TBC1D13: variants seen among roughly 807,000 people sequenced by gnomAD.
TBC1D13 encodes the protein TBC1 domain family member 13.
In TBC1D13, 40 loss-of-function variants were observed where a neutral mutation model predicts 53.6. That is an observed-to-expected ratio of 0.75 (90% CI 0.58 to 0.97). The LOEUF is 0.97. TBC1D13 is among the 50% of genes least tolerant of loss of function. The pLI, the probability that TBC1D13 is intolerant of heterozygous loss-of-function variation, is 0.00. For missense variants in TBC1D13, 377 were observed against 499.4 expected, an observed-to-expected ratio of 0.75 and a Z score of 2.34; for synonymous variants, 182 against 197.7, an observed-to-expected ratio of 0.92 and a Z score of 0.67.
At position 128,808,686 on chromosome 9, in the gene TBC1D13, T is replaced by C. The variant is rs796438479; in HGVS notation, c.*807T>C. The C allele has an allele frequency of 9.2e-5, 14 of 152,400 alleles. No individual in the cohort carries two copies. The highest frequency in any genetic ancestry group is 3.4e-4 in the African/African-American group (14 of 41,560). The allele number at this position is 152,400 out of a possible 1,614,324, so 9.4% of individuals were successfully genotyped here. A position where few individuals can be genotyped will look rare whatever the true frequency, so the allele number is the denominator to read the frequency against. Reference sequence around the variant, plus strand: ...GAACCTGGGAGACAGATGAGGAGACTGGCTCAGCAAGGCCCCTGGAGGTCA... The same window carrying C: ...GAACCTGGGAGACAGATGAGGAGACCGGCTCAGCAAGGCCCCTGGAGGTCA... On this transcript the variant is annotated 3_prime_UTR_variant, in exon 12 of 12. Transcript: ENST00000372648.
intron 11 of TBC1D13, among the ~76,000 whole-genome samples, chr9:128,807,595 G>A (rs1829860729): frequency 1.3e-5 from 2 of 152,204 alleles, no homozygotes; most frequent in South Asian, 4.1e-4. Context: ...GCAAGAGCCT[G>A]GGAGTGGTTG....
rs560076192 is a variant in TBC1D13, at chr9:128,808,071, C to T, written c.*192C>T. ...CGCCACGCCCAGCTCCCCACCTGCCCTGCACTCTGCCCTCTTTGCCCAGGA... is the reference window on the plus strand; with the variant it reads ...CGCCACGCCCAGCTCCCCACCTGCCTTGCACTCTGCCCTCTTTGCCCAGGA... On this transcript the variant is annotated 3_prime_UTR_variant, in exon 12 of 12. Transcript: ENST00000372648. 1 of 605,990 alleles carries T rather than the reference C, an allele frequency of 1.7e-6. No individual in the cohort carries two copies. The highest frequency in any genetic ancestry group is 1.9e-5 in the South Asian group (1 of 53,524). 37.5% of individuals were successfully genotyped at this position (605,990 alleles called of 1,614,324 possible). A position where few individuals can be genotyped will look rare whatever the true frequency, so the allele number is the denominator to read the frequency against.
intron 7 of TBC1D13, 46 bp downstream of exon 7, chr9:128,797,260 T>C (rs377484445): frequency 1.7e-4 from 266 of 1,599,444 alleles, no homozygotes; most frequent in Non-Finnish European, 2.1e-4. Context: ...AACAGTATTT[T>C]CTTTCCTTTT....
At chr9:128,787,526 T>C in intron 1 of TBC1D13, 150 bp downstream of exon 1, 2 of 824,216 alleles carry the variant, frequency 2.4e-6, no homozygotes, top group African/African-American at 1.8e-5. Flanking sequence ...CCTCATTGCC[T>C]GTGGGCTGCA....
At chr9:128,790,805 C>T (rs1589565717) in intron 3 of TBC1D13, 30 bp downstream of exon 3, 1 of 1,558,662 alleles carries the variant, frequency 6.4e-7, no homozygotes, top group Non-Finnish European at 8.6e-7. Flanking sequence ...GGCTTCTGCT[C>T]TGCTGAGAGT....
intron 2 of TBC1D13, among the ~76,000 whole-genome samples, chr9:128,790,278 T>TAAA (rs1564422376): frequency 2.9e-5 from 1 of 34,790 alleles, no homozygotes; most frequent in Non-Finnish European, 7.8e-5. Flanking sequence ...AAAAAAAAAT[T>TAAA]AGCATCCAGT....
chr9:128,805,078 G>A (rs1334732181), intron 9 of TBC1D13, among the ~76,000 whole-genome samples: 1 of 152,104 alleles, frequency 6.6e-6, no homozygotes, highest in African/African-American at 2.4e-5. Flanking sequence ...GAGTGTGATG[G>A]CTCACAGTTG....
intron 7 of TBC1D13, among the ~76,000 whole-genome samples, chr9:128,798,777 A>G (rs540524840): frequency 2.2e-4 from 33 of 152,312 alleles, no homozygotes; most frequent in African/African-American, 7.2e-4. Flanking sequence ...GTCTTCCATC[A>G]ATGGAAAAAC....
At chr9:128,803,826 A>T (rs1829779333) in intron 8 of TBC1D13, 130 bp from the exon 9 acceptor site, 2 of 1,215,196 alleles carry the variant, frequency 1.6e-6, no homozygotes, top group African/African-American at 3.0e-5. Context: ...TCAAGGACAG[A>T]GGAAGGACTG....
In TBC1D13 at chr9:128,792,527, G is replaced by T. The variant is rs7046372; in HGVS notation, c.336G>T (p.Thr112=). 2 of 1,614,134 alleles carry T rather than the reference G, an allele frequency of 1.2e-6. No individual in the cohort carries two copies. Among genetic ancestry groups the T allele is most frequent in the Non-Finnish European group, 8.5e-7 (1 of 1,179,998 alleles). The change falls in exon 6 of 12, where the codon ACG becomes ACT. Residue 112 remains threonine (T), a synonymous_variant. Transcript: ENST00000372648. ...LNPNPDSRWN[T]YFKDNEVLLQ... is the part of the protein sequence containing the mutation. ...CCAACCCTGACAGCCGGTGGAACAC[G>T]TACTTCAAGGACAACGAGGTGCTGC...
At chr9:128,800,292 G>A (rs1279974697) in intron 7 of TBC1D13, among the ~76,000 whole-genome samples, 1 of 152,036 alleles carries the variant, frequency 6.6e-6, no homozygotes, top group African/African-American at 2.4e-5. Context: ...ATCCTGGCAG[G>A]CAGCTGGTGT....
rs1491402886 is a variant in TBC1D13 at position 128,808,406 on chromosome 9, TCC to T, written c.*528_*529del. 7 of 197,886 alleles carry T rather than the reference TCC, an allele frequency of 3.5e-5. No individual in the cohort carries two copies. Among genetic ancestry groups the T allele is most frequent in the African/African-American group, 1.4e-4 (6 of 42,240 alleles). 12.3% of individuals were successfully genotyped at this position (197,886 alleles called of 1,614,324 possible). A position where few individuals can be genotyped will look rare whatever the true frequency, so the allele number is the denominator to read the frequency against. On this transcript the variant is annotated 3_prime_UTR_variant, in exon 12 of 12. Transcript: ENST00000372648. ...TGGGCCCAAGTCCCCAGGCATCTTCTCCGTGTGTGTGTGTGTGTGTGTGTGTG... is the reference window on the plus strand; with the variant it reads ...TGGGCCCAAGTCCCCAGGCATCTTCTGTGTGTGTGTGTGTGTGTGTGTGTG...
At chr9:128,799,305 T>C (rs1411149663) in intron 7 of TBC1D13, among the ~76,000 whole-genome samples, 1 of 152,216 alleles carries the variant, frequency 6.6e-6, no homozygotes, top group Non-Finnish European at 1.5e-5. Flanking sequence ...ACCAGAAACT[T>C]CATCCCTAAG....
At chr9:128,800,620 A>G (rs1268718792) in intron 7 of TBC1D13, among the ~76,000 whole-genome samples, 28 of 151,990 alleles carry the variant, frequency 1.8e-4, no homozygotes, top group Non-Finnish European at 1.9e-4. Flanking sequence ...CAGTTTCCCA[A>G]AGTGCTGGGA....
chr9:128,794,466 T>G (rs4837310), intron 6 of TBC1D13, among the ~76,000 whole-genome samples: 143,710 of 152,250 alleles, frequency 0.94, 67,851 homozygotes, highest in Non-Finnish European at 0.96. Context: ...TTTCTGTTTT[T>G]TTTTTGTTTT....
In TBC1D13 at chr9:128,809,230, C is replaced by A. The variant is rs1829903361; in HGVS notation, c.*1351C>A. The A allele has an allele frequency of 6.6e-6, 1 of 152,466 alleles. No individual in the cohort carries two copies. Among genetic ancestry groups the A allele is most frequent in the South Asian group, 2.1e-4 (1 of 4,838 alleles). 9.4% of individuals were successfully genotyped at this position (152,466 alleles called of 1,614,324 possible). On this transcript the variant is annotated 3_prime_UTR_variant, in exon 12 of 12. Coordinates refer to ENST00000372648, the MANE Select transcript of TBC1D13 (RefSeq NM_018201.5). ...GGTGCAGGGCCTTCTCTGACCCCTG[C>A]CTGAGCTGTTCCCAGGGCTGGAGCA... is the stretch of plus-strand genomic sequence containing the variant.
intron 1 of TBC1D13, 137 bp downstream of exon 1, chr9:128,787,513 TA>T: frequency 1.1e-6 from 1 of 905,510 alleles, no homozygotes; most frequent in Non-Finnish European, 1.5e-6. Flanking sequence ...GTCCACCTTC[TA>T]ACCTCATTGC....
At position 128,791,230 on chromosome 9, in the gene TBC1D13, C is replaced by T. The variant is rs952081655; in HGVS notation, c.139-150C>T. 8 of 751,766 alleles carry T rather than the reference C, an allele frequency of 1.1e-5. No individual in the cohort carries two copies. The East Asian group carries it at 1.3e-4, about 12-fold the overall frequency. 46.6% of individuals were successfully genotyped at this position (751,766 alleles called of 1,614,324 possible). A position where few individuals can be genotyped will look rare whatever the true frequency, so the allele number is the denominator to read the frequency against. ...CAGTGGGGAGGAAGGGGGAGGCTAC[C>T]CCTAGCTCATGCTGGCATTCCTGGA... On this transcript the variant is annotated intron_variant, in intron 3 of 11. Coordinates refer to ENST00000372648, the MANE Select transcript of TBC1D13 (RefSeq NM_018201.5).
In TBC1D13 at chr9:128,808,812, C is replaced by G. The variant is rs996601838; in HGVS notation, c.*933C>G. 1 of 152,200 alleles carries G rather than the reference C, an allele frequency of 6.6e-6. No homozygotes were observed. The highest frequency in any genetic ancestry group is 2.4e-5 in the African/African-American group (1 of 41,430). 9.4% of individuals were successfully genotyped at this position (152,200 alleles called of 1,614,324 possible). A position where few individuals can be genotyped will look rare whatever the true frequency, so the allele number is the denominator to read the frequency against. On this transcript the variant is annotated 3_prime_UTR_variant, in exon 12 of 12. Transcript: ENST00000372648. ...TGCCTCACTTAGAGGGTTCTGAACC[C>G]GTTCCCTACACAGAAATCTTGGAAA...
Sources: gnomAD v4.1 joint callset for allele counts (sites outside exome capture counted in the v4.1 genomes callset) on GRCh38, gnomAD v4.1.1 for gene constraint, MANE v1.5 for transcripts, NCBI Gene and HGNC (gene_info 2026-07-23, HGNC 2026-07-21) for gene names.